The following CHCHD6 variants were observed in gnomAD, a reference collection of about 807,000 sequenced individuals.
CHCHD6 encodes the protein MICOS complex subunit MIC25.
Under a neutral mutation model 32.3 loss-of-function variants are expected in CHCHD6, and 28 were observed. That is an observed-to-expected ratio of 0.87 (90% CI 0.64 to 1.19). The LOEUF is 1.19. Among genes scored for constraint, CHCHD6 ranks in the 50% most tolerant of loss-of-function variants. The pLI, the probability that CHCHD6 is intolerant of heterozygous loss-of-function variation, is 0.00. For synonymous variants in CHCHD6, 122 were observed against 117.5 expected (o/e 1.04, Z -0.25); for missense variants, 333 against 307.0 (o/e 1.08, Z -0.63).
chr3:126,887,958 C>A (rs2077701279), intron 5 of CHCHD6, among the ~76,000 whole-genome samples: 1 of 152,230 alleles, frequency 6.6e-6, no homozygotes, highest in South Asian at 2.1e-4. Flanking sequence ...GGCAAAGAAT[C>A]CTACTAATAT....
At chr3:126,887,900 A>G (rs2077700596) in intron 5 of CHCHD6, among the ~76,000 whole-genome samples, 1 of 151,986 alleles carries the variant, frequency 6.6e-6, no homozygotes, top group Admixed American at 6.6e-5. Context: ...TTAAATCCAC[A>G]CCCACTCTTC....
At chr3:126,861,493 A>ACCCCTG (rs1053156486) in intron 5 of CHCHD6, among the ~76,000 whole-genome samples, 2 of 150,278 alleles carry the variant, frequency 1.3e-5, no homozygotes, top group East Asian at 2.0e-4. Flanking sequence ...TTCCATTCCC[A>ACCCCTG]CCCCTGCCCC....
intron 4 of CHCHD6, among the ~76,000 whole-genome samples, chr3:126,750,753 TC>T (rs1337502482): frequency 6.6e-6 from 1 of 152,256 alleles, no homozygotes; most frequent in African/African-American, 2.4e-5. Context: ...AGCCTGAACT[TC>T]CTTGTTTCCC....
At chr3:126,844,574 T>C (rs1438451371) in intron 4 of CHCHD6, among the ~76,000 whole-genome samples, 2 of 152,226 alleles carry the variant, frequency 1.3e-5, no homozygotes, top group African/African-American at 2.4e-5. Flanking sequence ...TTTCCTTTTT[T>C]CCCCAAATTT....
chr3:126,843,735 A>G (rs1941190532), intron 4 of CHCHD6, among the ~76,000 whole-genome samples: 1 of 152,190 alleles, frequency 6.6e-6, no homozygotes, highest in Non-Finnish European at 1.5e-5. Flanking sequence ...CAAGAGTTCA[A>G]TTACATGTAT....
At chr3:126,910,030 A>ACCTATAATCCTG (rs1378417579) in intron 5 of CHCHD6, among the ~76,000 whole-genome samples, 1 of 152,110 alleles carries the variant, frequency 6.6e-6, no homozygotes, top group Non-Finnish European at 1.5e-5. Context: ...TAATCCCAAC[A>ACCTATAATCCTG]CTTTGGGAGG....
At position 126,889,534 on chromosome 3, in the gene CHCHD6, G is replaced by A. The variant is rs536938776; in HGVS notation, c.496-25146G>A. ...TGCAGCTCCACCCAGCTCCTGCTGA[G>A]CCACTGGCTGGCAGGTGCCTGCAGG... On this transcript the variant is annotated intron_variant, in intron 5 of 7. Coordinates refer to ENST00000290913, the MANE Select transcript of CHCHD6 (RefSeq NM_032343.3). Among the ~76,000 whole-genome samples the A allele has an allele frequency of 4.6e-5, 7 of 152,282 alleles. No individual in the cohort carries two copies. The South Asian group carries it at 1.5e-3, about 32-fold the overall frequency.
chr3:126,780,077 T>G (rs1423277622), intron 4 of CHCHD6, among the ~76,000 whole-genome samples: 1 of 152,202 alleles, frequency 6.6e-6, no homozygotes, highest in East Asian at 1.9e-4. Flanking sequence ...CGTATAGTGA[T>G]TTACCTTCTG....
chr3:126,893,870 G>A (rs915032257), intron 5 of CHCHD6, among the ~76,000 whole-genome samples: 7 of 152,232 alleles, frequency 4.6e-5, no homozygotes, highest in Admixed American at 2.0e-4. Flanking sequence ...CCTGGGGGAT[G>A]TGCATTAGAT....
At chr3:126,885,870 G>A (rs937673259) in intron 5 of CHCHD6, among the ~76,000 whole-genome samples, 2 of 152,316 alleles carry the variant, frequency 1.3e-5, no homozygotes, top group African/African-American at 2.4e-5. Context: ...AACCATAGGA[G>A]GGATGATGCT....
rs546716212 is a variant in CHCHD6 at position 126,849,389 on chromosome 3, G to A, written c.412-3258G>A. Among the ~76,000 whole-genome samples the A allele has an allele frequency of 5.3e-5, 8 of 152,292 alleles. No homozygotes were observed. In the South Asian group the frequency reaches 1.2e-3, roughly 24 times the overall value. ...TTTAATCTTGTTTTTGAACTTGTCCGTGTCTTTTTGTCATCTGTTCTATAT... is the reference window on the plus strand; with the variant it reads ...TTTAATCTTGTTTTTGAACTTGTCCATGTCTTTTTGTCATCTGTTCTATAT... On this transcript the variant is annotated intron_variant, in intron 4 of 7. Transcript: ENST00000290913.
chr3:126,877,192 G>A (rs1460399192), intron 5 of CHCHD6, among the ~76,000 whole-genome samples: 3 of 152,128 alleles, frequency 2.0e-5, no homozygotes, highest in African/African-American at 7.2e-5. Flanking sequence ...GGATGGGATG[G>A]GACTTCTTTG....
chr3:126,750,548 A>G (rs1334349332), intron 4 of CHCHD6, among the ~76,000 whole-genome samples: 1 of 152,210 alleles, frequency 6.6e-6, no homozygotes, highest in African/African-American at 2.4e-5. Flanking sequence ...ACTGAGATGG[A>G]GGTCAAGCCA....
Position 126,914,378 on chromosome 3 carries a change from G to C in CHCHD6, c.496-302G>C, listed in dbSNP as rs56183925. On this transcript the variant is annotated intron_variant, in intron 5 of 7. Transcript: ENST00000290913. ...AATATGTGAACTAATGAGCGTGGCT[G>C]TGTGCCAGTAAAACCCTTATTCACA... Among the ~76,000 whole-genome samples the C allele has an allele frequency of 7.2e-3, 1,104 of 152,350 alleles. 7 individuals carry two copies. The highest frequency in any genetic ancestry group is 0.012 in the Non-Finnish European group (812 of 68,026).
chr3:126,741,552 G>C (rs1576360657), intron 4 of CHCHD6, among the ~76,000 whole-genome samples: 1 of 152,164 alleles, frequency 6.6e-6, no homozygotes, highest in African/African-American at 2.4e-5. Context: ...CCTTTTGCCT[G>C]TGTCGCCTGG....
intron 4 of CHCHD6, among the ~76,000 whole-genome samples, chr3:126,803,670 A>C (rs1016404600): frequency 2.6e-5 from 4 of 152,242 alleles, no homozygotes; most frequent in Admixed American, 6.5e-5. Context: ...ACAGAAAGTT[A>C]ACAAGGATAC....
intron 7 of CHCHD6, among the ~76,000 whole-genome samples, chr3:126,958,402 G>A (rs896184905): frequency 3.3e-5 from 5 of 152,182 alleles, no homozygotes; most frequent in Non-Finnish European, 7.3e-5. Context: ...CCTTTCCCAC[G>A]TAAAAGCCTC....
At chr3:126,805,760 A>C (rs1183104301) in intron 4 of CHCHD6, among the ~76,000 whole-genome samples, 1 of 152,226 alleles carries the variant, frequency 6.6e-6, no homozygotes, top group African/African-American at 2.4e-5. Flanking sequence ...CCTAAGCCAA[A>C]AGAACAAAGT....
At chr3:126,909,011 G>C (rs1310482204) in intron 5 of CHCHD6, among the ~76,000 whole-genome samples, 1 of 152,234 alleles carries the variant, frequency 6.6e-6, no homozygotes, top group Non-Finnish European at 1.5e-5. Context: ...TCTGTTCTTG[G>C]AATGCTCCTG....
Sources: gnomAD v4.1 joint callset for allele counts (sites outside exome capture counted in the v4.1 genomes callset) on GRCh38, gnomAD v4.1.1 for gene constraint, MANE v1.5 for transcripts, NCBI Gene and HGNC (gene_info 2026-07-23, HGNC 2026-07-21) for gene names.